Variants in ASB18 observed in about 807,000 individuals in gnomAD.
ASB18 encodes ankyrin repeat and SOCS box protein 18.
ASB18 carries 33 observed loss-of-function variants against 33.4 expected under a neutral mutation model. The observed-to-expected ratio is 0.99, with a 90% confidence interval of 0.75 to 1.32. The LOEUF (loss-of-function observed/expected upper bound fraction) is 1.32, where lower values mean the gene tolerates loss of function less well. Among genes scored for constraint, ASB18 ranks in the 40% most tolerant of loss-of-function variants. The pLI is 0.00. For synonymous variants in ASB18, 295 were observed against 307.6 expected (o/e 0.96, Z 0.43); for missense variants, 694 against 655.5 (o/e 1.06, Z -0.64).
chr2:236,214,449 G>A lies in ASB18; in HGVS notation c.1014C>T (p.Ser338=), dbSNP rs1282376187. Residue 338 remains serine, a synonymous_variant, in exon 4 of 6, where the codon TCC becomes TCT. Coordinates refer to ENST00000409749, the MANE Select transcript of ASB18 (RefSeq NM_212556.4). The surrounding 1 kb of genome is among the most constrained non-coding windows in gnomAD (Gnocchi z 6.5). ...GCTGCGGTGAGGCCTGGAGAGCGCA[G>A]GATGCGGTCTGGAGCACGCGGCCCA... The part of the protein sequence containing the change: ...SPLGRVLQTA[S]CALQASPQRT... 6.5e-7 allele frequency: 1 copy of A among 1,539,654 alleles called. No homozygotes were observed. The highest frequency in any genetic ancestry group is 8.7e-7 in the Non-Finnish European group (1 of 1,149,796).
Position 236,220,785 on chromosome 2 carries a change from G to A in ASB18, c.597-5919C>T, listed in dbSNP as rs555613326. ...TTGTTAAGCACCTTCTCTGAGGCAG[G>A]TTCTGTTCTAGGCGTTTTCCACAAG... is the stretch of plus-strand genomic sequence containing the variant. On this transcript the variant is annotated intron_variant, in intron 3 of 5. Coordinates refer to ENST00000409749, the MANE Select transcript of ASB18 (RefSeq NM_212556.4). This position sits in a 1 kb window ranked among gnomAD's most constrained non-coding sequence, Gnocchi z 5.1. Among the ~76,000 whole-genome samples the A allele has an allele frequency of 4.9e-4, 74 of 152,130 alleles. No individual in the cohort carries two copies. The highest frequency in any genetic ancestry group is 6.9e-4 in the Non-Finnish European group (47 of 68,026).
rs1342075831 is a variant in ASB18 at position 236,220,053 on chromosome 2, C to A, written c.597-5187G>T. Among the ~76,000 whole-genome samples, 1 of 152,176 alleles carries A rather than the reference C, an allele frequency of 6.6e-6. No homozygotes were observed. Among genetic ancestry groups the A allele is most frequent in the Admixed American group, 6.5e-5 (1 of 15,282 alleles). Reference sequence around the variant, plus strand: ...TAATGACTGCAATGACAGGTTGTTACAGGGGCCCAGGGTTAACAGCAGAAA... The same window carrying A: ...TAATGACTGCAATGACAGGTTGTTAAAGGGGCCCAGGGTTAACAGCAGAAA... On this transcript the variant is annotated intron_variant, in intron 3 of 5. Transcript: ENST00000409749. This position sits in a 1 kb window ranked among gnomAD's most constrained non-coding sequence, Gnocchi z 5.1.
chr2:236,214,497 G>T lies in ASB18; in HGVS notation c.966C>A (p.Leu322=), dbSNP rs373468006. ...LLRHGADAGA[L]DYGGASPLGR... ...CCAGCGGCGAGGCCCCGCCATAGTC[G>T]AGCGCGCCCGCGTCGGCGCCGTGCC... The change falls in exon 4 of 6, where the codon CTC becomes CTA. Residue 322 remains leucine, a synonymous_variant. Coordinates refer to ENST00000409749, the MANE Select transcript of ASB18 (RefSeq NM_212556.4). The surrounding 1 kb of genome is among the most constrained non-coding windows in gnomAD (Gnocchi z 6.5). 1.3e-6 allele frequency: 2 copies of T among 1,499,252 alleles called. No homozygotes were observed. The highest frequency in any genetic ancestry group is 2.9e-5 in the African/African-American group (2 of 68,380). 92.9% of individuals were successfully genotyped at this position (1,499,252 alleles called of 1,614,324 possible). A position where few individuals can be genotyped will look rare whatever the true frequency, so the allele number is the denominator to read the frequency against.
chr2:236,214,519 T>C lies in ASB18; in HGVS notation c.944A>G (p.His315Arg). The change falls in exon 4 of 6, where the codon CAC (histidine) becomes CGC (arginine). Residue 315 changes from histidine (H) to arginine (R), a missense_variant. Physicochemically the swap from His to Arg is conservative, Grantham distance 29. Transcript: ENST00000409749. This position sits in a 1 kb window ranked among gnomAD's most constrained non-coding sequence, Gnocchi z 6.5. ...SHSLARLLLRHGADAGALDYG... is the reference protein window; with the variant it reads ...SHSLARLLLRRGADAGALDYG... ...GTCGAGCGCGCCCGCGTCGGCGCCG[T>C]GCCGCAGTAGGAGGCGCGCCAGGCT... The C allele has an allele frequency of 6.9e-7, 1 of 1,459,646 alleles. No homozygotes were observed. Among genetic ancestry groups the C allele is most frequent in the Non-Finnish European group, 8.9e-7 (1 of 1,117,700 alleles). 90.4% of individuals were successfully genotyped at this position (1,459,646 alleles called of 1,614,324 possible). A position where few individuals can be genotyped will look rare whatever the true frequency, so the allele number is the denominator to read the frequency against.
rs890472350 is a variant in ASB18, at chr2:236,200,684, G to C, written c.1102-4299C>G. Among the ~76,000 whole-genome samples the C allele has an allele frequency of 1.3e-5, 2 of 152,204 alleles. No homozygotes were observed. The highest frequency in any genetic ancestry group is 4.8e-5 in the African/African-American group (2 of 41,446). ...GGAAGGCAGAGGGCCGAGAGCTGTA[G>C]AATGAGGTCCATACGGATCCATAAA... On this transcript the variant is annotated intron_variant, in intron 4 of 5. Transcript: ENST00000409749. The surrounding 1 kb of genome is among the most constrained non-coding windows in gnomAD (Gnocchi z 4.2).
Position 236,258,149 on chromosome 2 carries a change from A to C in ASB18, c.205+5992T>G, listed in dbSNP as rs59820835. On this transcript the variant is annotated intron_variant, in intron 1 of 5. Coordinates refer to ENST00000409749, the MANE Select transcript of ASB18 (RefSeq NM_212556.4). ...TATCCTCGCTGCCTACTTGACCTGAAACTCACCACTGGAGGCCTTCCTTCG... is the reference window on the plus strand; with the variant it reads ...TATCCTCGCTGCCTACTTGACCTGACACTCACCACTGGAGGCCTTCCTTCG... 2.6e-4 allele frequency among the ~76,000 whole-genome samples: 40 copies of C among 152,226 alleles called. No homozygotes were observed. In the East Asian group the frequency reaches 7.7e-3, roughly 29 times the overall value.
At chr2:236,233,401 T>C (rs1336153799) in intron 3 of ASB18, among the ~76,000 whole-genome samples, 1 of 152,130 alleles carries the variant, frequency 6.6e-6, no homozygotes, top group Non-Finnish European at 1.5e-5. Flanking sequence ...TCTCACCACT[T>C]TTATTCAACA....
rs2060641397 is a variant in ASB18 at position 236,245,669 on chromosome 2, T to G, written c.206-4267A>C. ...TGTCCTTGCACTCTGACTGTGGCACTGGGCGCTCTACTATTACTGCTGGTT... is the reference window on the plus strand; with the variant it reads ...TGTCCTTGCACTCTGACTGTGGCACGGGGCGCTCTACTATTACTGCTGGTT... On this transcript the variant is annotated intron_variant, in intron 1 of 5. Transcript: ENST00000409749. The surrounding 1 kb of genome is among the most constrained non-coding windows in gnomAD (Gnocchi z 4.7). Among the ~76,000 whole-genome samples the G allele has an allele frequency of 6.6e-6, 1 of 152,160 alleles. No individual in the cohort carries two copies. Among genetic ancestry groups the G allele is most frequent in the Non-Finnish European group, 1.5e-5 (1 of 68,038 alleles).
rs1239617253 is a variant in ASB18, at chr2:236,226,911, A to G, written c.596+10778T>C. ...GAGAGTTTCTGAATACGCTTCACCC[A>G]GCTTCCCCTAAAGTTAATATCTAAT... On this transcript the variant is annotated intron_variant, in intron 3 of 5. Transcript: ENST00000409749. This position sits in a 1 kb window ranked among gnomAD's most constrained non-coding sequence, Gnocchi z 4.8. Among the ~76,000 whole-genome samples the G allele has an allele frequency of 6.6e-6, 1 of 152,226 alleles. No individual in the cohort carries two copies. The highest frequency in any genetic ancestry group is 1.5e-5 in the Non-Finnish European group (1 of 68,042).
At chr2:236,230,443 T>C (rs2060559077) in intron 3 of ASB18, among the ~76,000 whole-genome samples, 1 of 151,210 alleles carries the variant, frequency 6.6e-6, no homozygotes, top group African/African-American at 2.4e-5. Flanking sequence ...ATGGTAACTA[T>C]ATGAGTAAAC....
rs62190971 is a variant in ASB18 at position 236,234,029 on chromosome 2, G to A, written c.596+3660C>T. On this transcript the variant is annotated intron_variant, in intron 3 of 5. Transcript: ENST00000409749. The surrounding 1 kb of genome is among the most constrained non-coding windows in gnomAD (Gnocchi z 4.1). ...AAGTTACAATATTCAAGACAGTATG[G>A]TATTGGTGTTAAAACAGGCAAATAG... Among the ~76,000 whole-genome samples, 4,156 of 152,308 alleles carry A rather than the reference G, an allele frequency of 0.027. 85 individuals are homozygous for A. The highest frequency in any genetic ancestry group is 0.041 in the Non-Finnish European group (2,814 of 68,020).
In ASB18 at chr2:236,257,320, T is replaced by C. The variant is rs139656165; in HGVS notation, c.205+6821A>G. On this transcript the variant is annotated intron_variant, in intron 1 of 5. Transcript: ENST00000409749. The surrounding 1 kb of genome is among the most constrained non-coding windows in gnomAD (Gnocchi z 5.5). ...ATTTCATTTTGCTTCGAGCAGGGTC[T>C]CCCTGCCCCCACGCTCTCTGGTGGA... Among the ~76,000 whole-genome samples the C allele has an allele frequency of 4.4e-3, 665 of 152,340 alleles. 1 individual carries two copies. Among genetic ancestry groups the C allele is most frequent in the South Asian group, 0.01 (50 of 4,828 alleles).
At chr2:236,246,385 G>A (rs1422064638) in intron 1 of ASB18, among the ~76,000 whole-genome samples, 1 of 128,622 alleles carries the variant, frequency 7.8e-6, no homozygotes, top group Non-Finnish European at 1.6e-5. Flanking sequence ...AAAAGACCTT[G>A]GCTACTGTAT....
chr2:236,255,541 G>T lies in ASB18; in HGVS notation c.205+8600C>A, dbSNP rs2106285934. 6.6e-6 allele frequency among the ~76,000 whole-genome samples: 1 copy of T among 152,316 alleles called. No homozygotes were observed. Among genetic ancestry groups the T allele is most frequent in the South Asian group, 2.1e-4 (1 of 4,818 alleles). The stretch of plus-strand genomic sequence containing the variant: ...ATTGCATGCCACAGGGATTTTGCTG[G>T]TAAAGCAGGAGAGGAGGGTGGCTGT... On this transcript the variant is annotated intron_variant, in intron 1 of 5. Coordinates refer to ENST00000409749, the MANE Select transcript of ASB18 (RefSeq NM_212556.4). This position sits in a 1 kb window ranked among gnomAD's most constrained non-coding sequence, Gnocchi z 4.4.
In ASB18 at chr2:236,237,848, G is replaced by T. The variant is rs1010001129; in HGVS notation, c.437C>A (p.Pro146Gln). 1.1e-4 allele frequency: 160 copies of T among 1,416,698 alleles called. No homozygotes were observed. The highest frequency in any genetic ancestry group is 4.7e-4 in the Middle Eastern group (2 of 4,234). The allele number at this position is 1,416,698 out of a possible 1,614,324, so 87.8% of individuals were successfully genotyped here. A position where few individuals can be genotyped will look rare whatever the true frequency, so the allele number is the denominator to read the frequency against. The change falls in exon 3 of 6, where the codon CCA becomes CAA. Residue 146 changes from proline to glutamine, a missense_variant. Transcript: ENST00000409749. The surrounding 1 kb of genome is among the most constrained non-coding windows in gnomAD (Gnocchi z 6.2). ...VRHLLGRGAD[P>Q]DASPGGRGAL... Reference sequence around the variant, plus strand: ...GCCGCGGCCGCCGGGGCTGGCGTCTGGGTCTGCGCCGCGGCCGAGCAGGTG... The same window carrying T: ...GCCGCGGCCGCCGGGGCTGGCGTCTTGGTCTGCGCCGCGGCCGAGCAGGTG...
At position 236,256,479 on chromosome 2, in the gene ASB18, A is replaced by G. The variant is rs1431903236; in HGVS notation, c.205+7662T>C. Among the ~76,000 whole-genome samples, 3 of 152,190 alleles carry G rather than the reference A, an allele frequency of 2.0e-5. No homozygotes were observed. Among genetic ancestry groups the G allele is most frequent in the African/African-American group, 7.2e-5 (3 of 41,446 alleles). ...TCAGGCTACAGAGAGCATGCCTGCC[A>G]TTTCCAATTAGTTCCTTCGGAATGT... On this transcript the variant is annotated intron_variant, in intron 1 of 5. Transcript: ENST00000409749. The surrounding 1 kb of genome is among the most constrained non-coding windows in gnomAD (Gnocchi z 4.7).
intron 1 of ASB18, among the ~76,000 whole-genome samples, chr2:236,258,975 A>G (rs543430549): frequency 6.6e-6 from 1 of 152,312 alleles, no homozygotes; most frequent in East Asian, 1.9e-4. Flanking sequence ...GCAATTAGTA[A>G]TCAGTTGTTT....
In ASB18 at chr2:236,252,144, G is replaced by A. The variant is rs899569279; in HGVS notation, c.206-10742C>T. ...AAATCAGCTGAGGGTGGTGGTGTGCGGCTGCAGTCCCAGCTATTCAGGAGG... is the reference window on the plus strand; with the variant it reads ...AAATCAGCTGAGGGTGGTGGTGTGCAGCTGCAGTCCCAGCTATTCAGGAGG... On this transcript the variant is annotated intron_variant, in intron 1 of 5. Transcript: ENST00000409749. The surrounding 1 kb of genome is among the most constrained non-coding windows in gnomAD (Gnocchi z 7.9). Among the ~76,000 whole-genome samples the A allele has an allele frequency of 1.3e-5, 2 of 151,998 alleles. No individual in the cohort carries two copies. The highest frequency in any genetic ancestry group is 2.4e-5 in the African/African-American group (1 of 41,364).
At position 236,208,614 on chromosome 2, in the gene ASB18, C is replaced by T. The variant is rs2060444758; in HGVS notation, c.1101+5748G>A. ...CATTAGAGCAAAAGCACCACCTCCT[C>T]CCGCCCCTCCCCCACCGGGTCACAG... On this transcript the variant is annotated intron_variant, in intron 4 of 5. Coordinates refer to ENST00000409749, the MANE Select transcript of ASB18 (RefSeq NM_212556.4). This position sits in a 1 kb window ranked among gnomAD's most constrained non-coding sequence, Gnocchi z 7.7. Among the ~76,000 whole-genome samples, 1 of 152,068 alleles carries T rather than the reference C, an allele frequency of 6.6e-6. No individual in the cohort carries two copies. Among genetic ancestry groups the T allele is most frequent in the South Asian group, 2.1e-4 (1 of 4,822 alleles).
Sources: gnomAD v4.1 joint callset for allele counts (sites outside exome capture counted in the v4.1 genomes callset) on GRCh38, gnomAD v4.1.1 for gene constraint, Gnocchi (gnomAD v3.1) non-coding constraint, MANE v1.5 for transcripts, NCBI Gene and HGNC (gene_info 2026-07-23, HGNC 2026-07-21) for gene names.